The following FAF1 variants were observed in gnomAD, a reference collection of about 807,000 sequenced individuals.
FAF1 encodes FAS-associated factor 1.
FAF1 carries 25 observed loss-of-function variants against 92.5 expected under a neutral mutation model. The ratio of observed to expected loss-of-function variants is 0.27; its 90% confidence interval spans 0.20 to 0.38. The LOEUF (loss-of-function observed/expected upper bound fraction) is 0.38, where lower values mean the gene tolerates loss of function less well. Ranked by LOEUF, FAF1 falls within the 10% of genes least tolerant of loss-of-function variation. The pLI is 1.00. For synonymous variants in FAF1, 234 were observed against 273.2 expected (o/e 0.86, Z 1.42); for missense variants, 636 against 793.3 (o/e 0.80, Z 2.38).
chr1:50,867,860 T>C (rs528395081), intron 1 of FAF1, among the ~76,000 whole-genome samples: 1 of 152,222 alleles, frequency 6.6e-6, no homozygotes, highest in South Asian at 2.1e-4. Flanking sequence ...AGTCATTATA[T>C]GAAAAAGACT....
intron 7 of FAF1, among the ~76,000 whole-genome samples, chr1:50,690,343 C>T (rs1656864431): frequency 6.6e-6 from 1 of 152,128 alleles, no homozygotes; most frequent in Admixed American, 6.5e-5. Flanking sequence ...TGGTGGCTCA[C>T]ACCTGTAATT....
At chr1:50,701,322 T>C (rs943221768) in intron 7 of FAF1, among the ~76,000 whole-genome samples, 1 of 152,068 alleles carries the variant, frequency 6.6e-6, no homozygotes, top group African/African-American at 2.4e-5. Context: ...CATATGCACA[T>C]TCTCAGTTAC....
At chr1:50,490,703 A>T in intron 16 of FAF1, 38 bp from the exon 17 acceptor site, 2 of 1,177,898 alleles carry the variant, frequency 1.7e-6, no homozygotes, top group Non-Finnish European at 2.5e-6. Context: ...CACTTAACAC[A>T]TACTTGTTTA....
intron 6 of FAF1, among the ~76,000 whole-genome samples, chr1:50,732,426 T>C (rs1301909122): frequency 5.3e-5 from 8 of 152,216 alleles, no homozygotes; most frequent in Non-Finnish European, 1.2e-4. Context: ...AGTTGGTCTA[T>C]ATCTTCTTGT....
chr1:50,864,404 T>C (rs1168485256), intron 1 of FAF1, among the ~76,000 whole-genome samples: 1 of 152,066 alleles, frequency 6.6e-6, no homozygotes, highest in African/African-American at 2.4e-5. Flanking sequence ...GTATGTTGTG[T>C]CTTTGTTCTG....
At chr1:50,826,061 T>C (rs1003144951) in intron 2 of FAF1, among the ~76,000 whole-genome samples, 1 of 152,150 alleles carries the variant, frequency 6.6e-6, no homozygotes, top group Non-Finnish European at 1.5e-5. Flanking sequence ...ACATATTAAG[T>C]ATGAAGACTT....
chr1:50,463,540 T>C (rs1391556676), intron 18 of FAF1, among the ~76,000 whole-genome samples: 2 of 152,206 alleles, frequency 1.3e-5, no homozygotes, highest in Admixed American at 1.3e-4. Flanking sequence ...TCTCAGTTAC[T>C]ATGTGTGTGG....
chr1:50,510,554 C>T (rs1320895051), intron 15 of FAF1, among the ~76,000 whole-genome samples: 2 of 152,164 alleles, frequency 1.3e-5, no homozygotes, highest in African/African-American at 4.8e-5. Context: ...TACACCCCAC[C>T]ACTCAAGTCA....
At chr1:50,870,679 G>A (rs1460099019) in intron 1 of FAF1, among the ~76,000 whole-genome samples, 2 of 152,082 alleles carry the variant, frequency 1.3e-5, no homozygotes, top group Non-Finnish European at 2.9e-5. Flanking sequence ...CACAAACCAT[G>A]CCCACAAGAC....
At chr1:50,865,009 C>T (rs1458467122) in intron 1 of FAF1, among the ~76,000 whole-genome samples, 1 of 152,032 alleles carries the variant, frequency 6.6e-6, no homozygotes, top group Non-Finnish European at 1.5e-5. Flanking sequence ...AAAACAACCC[C>T]ATCAAAAAGT....
At chr1:50,502,499 C>T (rs868133737) in intron 15 of FAF1, among the ~76,000 whole-genome samples, 3 of 152,214 alleles carry the variant, frequency 2.0e-5, no homozygotes, top group East Asian at 1.9e-4. Flanking sequence ...ATGAGCATTC[C>T]GAGTGAATTA....
chr1:50,579,783 G>A (rs1275091391), intron 12 of FAF1, among the ~76,000 whole-genome samples: 2 of 152,112 alleles, frequency 1.3e-5, no homozygotes, highest in African/African-American at 4.8e-5. Context: ...GAGAGATGGT[G>A]CTTGCTTAAA....
At chr1:50,543,765 T>C (rs1048070118) in intron 13 of FAF1, among the ~76,000 whole-genome samples, 2 of 152,152 alleles carry the variant, frequency 1.3e-5, no homozygotes, top group African/African-American at 4.8e-5. Flanking sequence ...TGTTTTTTTT[T>C]TTCCATTCAG....
chr1:50,444,550 A>T (rs1646206515), intron 18 of FAF1, among the ~76,000 whole-genome samples: 1 of 152,212 alleles, frequency 6.6e-6, no homozygotes, highest in South Asian at 2.1e-4. Context: ...AACTTTTTAC[A>T]GACAGACAGC....
chr1:50,599,674 C>A (rs1250450925), intron 8 of FAF1, among the ~76,000 whole-genome samples: 1 of 152,064 alleles, frequency 6.6e-6, no homozygotes, highest in Non-Finnish European at 1.5e-5. Flanking sequence ...GTATAAAGGA[C>A]TTCTACAGCA....
At chr1:50,640,778 A>G (rs115660810) in intron 8 of FAF1, among the ~76,000 whole-genome samples, 123 of 149,060 alleles carry the variant, frequency 8.3e-4, no homozygotes, top group African/African-American at 3.0e-3. Flanking sequence ...CTGTTAATTC[A>G]TATCTAGTCT....
At chr1:50,477,599 T>G (rs922808502) in intron 17 of FAF1, among the ~76,000 whole-genome samples, 2 of 152,228 alleles carry the variant, frequency 1.3e-5, no homozygotes, top group African/African-American at 4.8e-5. Flanking sequence ...TTCCAAATAT[T>G]AAACTATTTT....
intron 1 of FAF1, among the ~76,000 whole-genome samples, chr1:50,921,936 G>A (rs1013806445): frequency 1.3e-5 from 2 of 152,000 alleles, no homozygotes; most frequent in Non-Finnish European, 2.9e-5. Flanking sequence ...GGAGGCCAAG[G>A]CAGGTGGATC....
At chr1:50,576,913 C>T (rs766823151) in intron 12 of FAF1, among the ~76,000 whole-genome samples, 1 of 151,768 alleles carries the variant, frequency 6.6e-6, no homozygotes, top group South Asian at 2.1e-4. Flanking sequence ...ACGATCCTCC[C>T]ACCTTGGCCC....
Sources: allele counts gnomAD v4.1 joint callset (sites outside exome capture counted in the v4.1 genomes callset), GRCh38; gene constraint gnomAD v4.1.1; transcripts MANE v1.5; gene names NCBI Gene and HGNC (gene_info 2026-07-23, HGNC 2026-07-21).